Variants in TRPC5 observed in about 807,000 individuals in gnomAD.
TRPC5 encodes short transient receptor potential channel 5.
In TRPC5, 9 loss-of-function variants were observed where a neutral mutation model predicts 56.5. The ratio of observed to expected loss-of-function variants is 0.16; its 90% confidence interval spans 0.10 to 0.28. The LOEUF is 0.28. TRPC5 is among the 10% of genes least tolerant of loss of function. The pLI, the probability that TRPC5 is intolerant of heterozygous loss-of-function variation, is 1.00. For synonymous variants in TRPC5, 282 were observed against 278.5 expected, an observed-to-expected ratio of 1.01 and a Z score of -0.13; for missense variants, 469 against 748.9, an observed-to-expected ratio of 0.63 and a Z score of 4.36.
At chrX:111,999,501 C>A (rs776315078) in intron 1 of TRPC5, among the ~76,000 whole-genome samples, 90 of 111,922 alleles carry the variant, frequency 8.0e-4, no homozygotes, top group African/African-American at 2.8e-3. Context: ...ACCATATTTT[C>A]TTTGTCCACT....
chrX:111,828,291 G>A (rs765958691), intron 7 of TRPC5, among the ~76,000 whole-genome samples: 5 of 111,593 alleles, frequency 4.5e-5, no homozygotes, highest in African/African-American at 6.5e-5. Flanking sequence ...GGGATCCAGC[G>A]GGAGGTAATT....
intron 1 of TRPC5, among the ~76,000 whole-genome samples, chrX:112,040,069 A>C (rs767870199): frequency 6.2e-5 from 7 of 112,085 alleles, no homozygotes; most frequent in Non-Finnish European, 1.1e-4. Context: ...AAGAGCCCTC[A>C]ATGGGCAGAA....
intron 1 of TRPC5, among the ~76,000 whole-genome samples, chrX:112,002,687 AGG>A (rs1928727229): frequency 4.2e-4 from 47 of 111,874 alleles, no homozygotes; most frequent in Admixed American, 4.1e-3. Context: ...GACTCTTGAC[AGG>A]GTATTTTTCA....
At chrX:112,015,765 A>G (rs954494766) in intron 1 of TRPC5, among the ~76,000 whole-genome samples, 1 of 112,008 alleles carries the variant, frequency 8.9e-6, no homozygotes, top group African/African-American at 3.2e-5. Context: ...TTGCGAAGAC[A>G]GATGAAATAC....
chrX:112,035,468 T>C (rs1380440903), intron 1 of TRPC5, among the ~76,000 whole-genome samples: 1 of 109,812 alleles, frequency 9.1e-6, no homozygotes, highest in East Asian at 2.8e-4. Context: ...TATATATATA[T>C]ATATATGTTT....
intron 1 of TRPC5, among the ~76,000 whole-genome samples, chrX:112,038,231 T>C (rs1929798814): frequency 1.8e-5 from 2 of 112,167 alleles, no homozygotes; most frequent in South Asian, 7.6e-4. Context: ...TTTACGTCGT[T>C]ACATTTCAAC....
At chrX:111,814,260 T>A (rs1397577212) in intron 7 of TRPC5, among the ~76,000 whole-genome samples, 2 of 110,878 alleles carry the variant, frequency 1.8e-5, no homozygotes, top group Non-Finnish European at 3.8e-5. Context: ...TATCCCTCAA[T>A]GCCCTCCCCT....
At chrX:111,989,500 G>GA (rs1928297179) in intron 1 of TRPC5, among the ~76,000 whole-genome samples, 1 of 111,631 alleles carries the variant, frequency 9.0e-6, no homozygotes, top group African/African-American at 3.3e-5. Context: ...TTAAAGCCAA[G>GA]GTTTCAACTT....
chrX:112,060,759 C>A (rs1028937778), intron 1 of TRPC5, among the ~76,000 whole-genome samples: 3 of 112,214 alleles, frequency 2.7e-5, no homozygotes, highest in African/African-American at 9.7e-5. Context: ...ATCCTCCCCC[C>A]ACCAAAATAA....
At chrX:111,959,034 T>C (rs1206392085) in intron 1 of TRPC5, among the ~76,000 whole-genome samples, 2 of 112,671 alleles carry the variant, frequency 1.8e-5, no homozygotes, top group African/African-American at 6.4e-5. Flanking sequence ...TTTACTGACC[T>C]GTCCAACAAT....
At chrX:111,916,140 TAAAGA>T (rs1323388319) in intron 2 of TRPC5, among the ~76,000 whole-genome samples, 1 of 110,563 alleles carries the variant, frequency 9.0e-6, no homozygotes, top group Non-Finnish European at 1.9e-5. Context: ...AATAAAAAAG[TAAAGA>T]AAAGAAAAGA....
At chrX:111,915,276 TTGTCTAAC>T (rs1925942411) in intron 2 of TRPC5, among the ~76,000 whole-genome samples, 1 of 111,900 alleles carries the variant, frequency 8.9e-6, no homozygotes, top group Non-Finnish European at 1.9e-5. Flanking sequence ...CTCGATTATA[TTGTCTAAC>T]AAGGAACTTT....
intron 2 of TRPC5, among the ~76,000 whole-genome samples, chrX:111,937,512 A>C (rs1926626693): frequency 9.4e-6 from 1 of 106,168 alleles, no homozygotes; most frequent in Non-Finnish European, 1.9e-5. Flanking sequence ...ATCTTGAATT[A>C]ATTTTTGTAT....
chrX:111,973,174 T>C (rs1927828412), intron 1 of TRPC5, among the ~76,000 whole-genome samples: 1 of 111,682 alleles, frequency 9.0e-6, no homozygotes, highest in Non-Finnish European at 1.9e-5. Context: ...AAAGACACTT[T>C]TAAATTGGAG....
chrX:112,056,848 T>C (rs137903509), intron 1 of TRPC5, among the ~76,000 whole-genome samples: 35 of 112,473 alleles, frequency 3.1e-4, no homozygotes, highest in Non-Finnish European at 6.0e-4. Context: ...CAGCCAACCA[T>C]TGAGTGGCAA....
At chrX:112,061,069 T>C (rs1004629245) in intron 1 of TRPC5, among the ~76,000 whole-genome samples, 9 of 112,407 alleles carry the variant, frequency 8.0e-5, no homozygotes, top group African/African-American at 2.9e-4. Context: ...ACTTCCTGGG[T>C]TGACTGTGTC....
At chrX:111,805,625 G>T (rs1357047875) in intron 7 of TRPC5, among the ~76,000 whole-genome samples, 1 of 111,343 alleles carries the variant, frequency 9.0e-6, no homozygotes, top group Middle Eastern at 4.2e-3. Flanking sequence ...AAATTATTAT[G>T]CCAGTTAGGC....
chrX:111,808,930 G>A (rs1033147158), intron 7 of TRPC5, among the ~76,000 whole-genome samples: 2 of 109,832 alleles, frequency 1.8e-5, no homozygotes, highest in African/African-American at 6.6e-5. Context: ...CCCAGGATGT[G>A]TCTAGAATTG....
intron 1 of TRPC5, among the ~76,000 whole-genome samples, chrX:111,968,106 T>C (rs938866981): frequency 9.5e-6 from 1 of 105,537 alleles, no homozygotes; most frequent in Non-Finnish European, 1.9e-5. Context: ...GAATCTACAA[T>C]AAACTCAAAC....
Sources: allele counts gnomAD v4.1 joint callset (sites outside exome capture counted in the v4.1 genomes callset), GRCh38; gene constraint gnomAD v4.1.1; transcripts MANE v1.5; gene names NCBI Gene and HGNC (gene_info 2026-07-23, HGNC 2026-07-21).